Variants in SRSF5 observed in about 807,000 individuals in gnomAD.
The protein encoded by SRSF5 is serine/arginine-rich splicing factor 5.
In SRSF5, 5 loss-of-function variants were observed where a neutral mutation model predicts 34.0. The ratio of observed to expected loss-of-function variants is 0.15; its 90% CI spans 0.08 to 0.31. SRSF5 has a LOEUF of 0.31. Among genes scored for constraint, SRSF5 ranks in the 10% least tolerant of loss-of-function variants. The pLI is 1.00. For missense variants in SRSF5, 223 were observed against 351.4 expected (o/e 0.63, Z 2.92); for synonymous variants, 164 against 117.7 (o/e 1.39, Z -2.55).
rs774183630 is a variant in SRSF5, at chr14:69,771,367, G to A, written c.725G>A (p.Arg242His). ...RSPVPEKSQK[R>H]GSSSRSKSPA... Reference sequence around the variant, plus strand: ...CCCGTGCCTGAGAAGAGCCAGAAACGTGGTTCTTCAAGTAGATCTAAGTCT... The same window carrying A: ...CCCGTGCCTGAGAAGAGCCAGAAACATGGTTCTTCAAGTAGATCTAAGTCT... Residue 242 changes from arginine (R) to histidine (H), a missense_variant, in exon 8 of 8, where the codon CGT becomes CAT. Arg to His is a conservative substitution (Grantham distance 29). Coordinates refer to ENST00000557154, the MANE Select transcript of SRSF5 (RefSeq NM_001320214.2). The A allele has an allele frequency of 1.9e-6, 3 of 1,614,212 alleles. No individual in the cohort carries two copies. The highest frequency in any genetic ancestry group is 1.7e-4 in the Middle Eastern group (1 of 6,058).
chr14:69,768,702 C>G lies in SRSF5; in HGVS notation c.197+28C>G. 17 of 1,613,050 alleles carry G rather than the reference C, an allele frequency of 1.1e-5. No individual in the cohort carries two copies. The Middle Eastern group carries it at 6.6e-4, about 63-fold the overall frequency. On this transcript the variant is annotated intron_variant, in intron 3 of 7. Transcript: ENST00000557154. ...GAGATTCCTGTGTAACTAGATAACC[C>G]TGGGACATAGAGCAGACTGGGTCTG...
chr14:69,768,076 T>C, intron 1 of SRSF5, 62 bp from the exon 2 acceptor site: 2 of 1,572,004 alleles, frequency 1.3e-6, no homozygotes, highest in South Asian at 2.2e-5. Context: ...TTTTGATTGT[T>C]TAATCAGGCG....
In SRSF5 at chr14:69,767,165, G is replaced by C. The variant is rs943263606; in HGVS notation, c.-110G>C. ...GCGTCAGTTGTGGAGTGGCGTAGACGAGTTAAGTCCTGGTCTGCGTGGAGG... is the reference window on the plus strand; with the variant it reads ...GCGTCAGTTGTGGAGTGGCGTAGACCAGTTAAGTCCTGGTCTGCGTGGAGG... On this transcript the variant is annotated 5_prime_UTR_variant, in exon 1 of 8. Transcript: ENST00000557154. 1 of 340,986 alleles carries C rather than the reference G, an allele frequency of 2.9e-6. No homozygotes were observed. The highest frequency in any genetic ancestry group is 5.8e-6 in the Non-Finnish European group (1 of 171,914). The allele number at this position is 340,986 out of a possible 1,614,324, so 21.1% of individuals were successfully genotyped here. A position where few individuals can be genotyped will look rare whatever the true frequency, so the allele number is the denominator to read the frequency against.
intron 5 of SRSF5, 166 bp downstream of exon 5, chr14:69,769,417 T>A: frequency 6.6e-7 from 1 of 1,517,234 alleles, no homozygotes; most frequent in Admixed American, 2.1e-5. Context: ...ATTTTGAACT[T>A]TAATATTAGT....
At chr14:69,769,380 CATTTA>C in intron 5 of SRSF5, 129 bp downstream of exon 5, 6 of 1,501,028 alleles carry the variant, frequency 4.0e-6, no homozygotes, top group Non-Finnish European at 5.3e-6. Flanking sequence ...TAATTTTAAA[CATTTA>C]ATTAAATGTA....
Position 69,771,382 on chromosome 14 carries a change from G to C in SRSF5, c.740G>C (p.Arg247Thr), listed in dbSNP as rs1412890780. 1.9e-6 allele frequency: 3 copies of C among 1,614,082 alleles called. No homozygotes were observed. The highest frequency in any genetic ancestry group is 4.5e-5 in the East Asian group (2 of 44,900). Residue 247 changes from arginine to threonine, a missense_variant, in exon 8 of 8, where the codon AGA (arginine) becomes ACA (threonine). By Grantham distance (71) the Arg-to-Thr change is moderately conservative (BLOSUM62 -1). Transcript: ENST00000557154. Reference sequence around the variant, plus strand: ...AGCCAGAAACGTGGTTCTTCAAGTAGATCTAAGTCTCCAGCATCTGTGGAT... The same window carrying C: ...AGCCAGAAACGTGGTTCTTCAAGTACATCTAAGTCTCCAGCATCTGTGGAT... ...EKSQKRGSSS[R>T]SKSPASVDRQ...
rs1566623180 is a variant in SRSF5 at position 69,767,174 on chromosome 14, C to A, written c.-101C>A. On this transcript the variant is annotated 5_prime_UTR_variant, in exon 1 of 8. Transcript: ENST00000557154. ...GTGGAGTGGCGTAGACGAGTTAAGT[C>A]CTGGTCTGCGTGGAGGTCGACGACT... The A allele has an allele frequency of 8.5e-6, 3 of 352,938 alleles. No individual in the cohort carries two copies. Among genetic ancestry groups the A allele is most frequent in the Non-Finnish European group, 1.7e-5 (3 of 179,140 alleles). The allele number at this position is 352,938 out of a possible 1,614,324, so 21.9% of individuals were successfully genotyped here.
chr14:69,768,488 G>A, intron 2 of SRSF5, 116 bp from the exon 3 acceptor site: 2 of 1,237,516 alleles, frequency 1.6e-6, no homozygotes, highest in East Asian at 2.3e-5. Context: ...AGGTTTGACT[G>A]TATGGCAGTG....
chr14:69,767,811 C>A, intron 1 of SRSF5: 1 of 354,794 alleles, frequency 2.8e-6, no homozygotes, highest in Non-Finnish European at 5.5e-6. Flanking sequence ...AGGGCGCGGG[C>A]GGCTCCGCCC....
At chr14:69,770,116 TA>T in intron 5 of SRSF5, 1 of 1,036,850 alleles carries the variant, frequency 9.6e-7, no homozygotes, top group Non-Finnish European at 1.2e-6. Flanking sequence ...TTTTTTTAAA[TA>T]AAACTTCTCT....
rs201558347 is a variant in SRSF5, at chr14:69,768,724, T to A, written c.197+50T>A. ...ACCCTGGGACATAGAGCAGACTGGG[T>A]CTGCTGGCATATTTTTCTAAGTAGA... On this transcript the variant is annotated intron_variant, in intron 3 of 7. Transcript: ENST00000557154. 2,672 of 1,611,070 alleles carry A rather than the reference T, an allele frequency of 1.7e-3. 5 individuals are homozygous for A. Among genetic ancestry groups the A allele is most frequent in the Non-Finnish European group, 2.0e-3 (2,304 of 1,177,246 alleles).
In SRSF5 at chr14:69,770,203, C is replaced by T. The variant is rs527601717; in HGVS notation, c.367-264C>T. On this transcript the variant is annotated intron_variant, in intron 5 of 7. Transcript: ENST00000557154. The stretch of plus-strand genomic sequence containing the variant: ...TTTGTTTGTTTTTTTTTCTTTTGTA[C>T]TGAGCTCAGCATAGACTAATACTAC... 3.1e-5 allele frequency: 35 copies of T among 1,141,434 alleles called. No individual in the cohort carries two copies. In the African/African-American group the frequency reaches 5.4e-4, roughly 18 times the overall value. The allele number at this position is 1,141,434 out of a possible 1,614,324, so 70.7% of individuals were successfully genotyped here.
chr14:69,771,233 C>G lies in SRSF5; in HGVS notation c.591C>G (p.Ser197=). 6.2e-7 allele frequency: 1 copy of G among 1,614,118 alleles called. No homozygotes were observed. Residue 197 remains serine, a synonymous_variant, in exon 8 of 8, where the codon TCC becomes TCG. Coordinates refer to ENST00000557154, the MANE Select transcript of SRSF5 (RefSeq NM_001320214.2). ...GGTCTCGATCCCGGACCAGAAGTTC[C>G]TCTAGGTCTCGTAGCCGATCCCGTT... ...RSRSRSRTRS[S]SRSRSRSRSR... is the part of the protein sequence containing the mutation.
chr14:69,769,511 C>T (rs1484245810), intron 5 of SRSF5: 11 of 1,535,290 alleles, frequency 7.2e-6, no homozygotes. Flanking sequence ...TATTTGCCAG[C>T]CTGTCTGTGT....
At chr14:69,771,136 TATTTAA>T in intron 7 of SRSF5, 31 bp downstream of exon 7, 1 of 1,613,000 alleles carries the variant, frequency 6.2e-7, no homozygotes, top group African/African-American at 1.3e-5. Context: ...TCAAAAGTTG[TATTTAA>T]TGGGTTTGTT....
chr14:69,768,725 C>G lies in SRSF5; in HGVS notation c.197+51C>G, dbSNP rs1231023598. Reference sequence around the variant, plus strand: ...CCCTGGGACATAGAGCAGACTGGGTCTGCTGGCATATTTTTCTAAGTAGAT... The same window carrying G: ...CCCTGGGACATAGAGCAGACTGGGTGTGCTGGCATATTTTTCTAAGTAGAT... On this transcript the variant is annotated intron_variant, in intron 3 of 7. Transcript: ENST00000557154. The G allele has an allele frequency of 3.7e-6, 6 of 1,609,506 alleles. No individual in the cohort carries two copies. The African/African-American group carries it at 8.0e-5, about 22-fold the overall frequency.
At chr14:69,770,917 G>A (rs561598382) in intron 6 of SRSF5, 78 bp from the exon 7 acceptor site, 3 of 1,258,774 alleles carry the variant, frequency 2.4e-6, no homozygotes, top group African/African-American at 3.0e-5. Flanking sequence ...ACATAGAAAC[G>A]ACTTACCTAG....
chr14:69,768,566 C>A, intron 2 of SRSF5, 38 bp from the exon 3 acceptor site: 4 of 1,591,672 alleles, frequency 2.5e-6, no homozygotes, highest in South Asian at 2.2e-5. Flanking sequence ...GAATACTCTT[C>A]TAAAGCCAAT....
chr14:69,770,936 G>T (rs74061423), intron 6 of SRSF5, 59 bp from the exon 7 acceptor site: 5 of 1,419,760 alleles, frequency 3.5e-6, no homozygotes, highest in Non-Finnish European at 4.9e-6. Context: ...AGACTGCTGT[G>T]TGCAATGTGT....
Sources: allele counts gnomAD v4.1 joint callset, GRCh38; gene constraint gnomAD v4.1.1; transcripts MANE v1.5; gene names NCBI Gene and HGNC (gene_info 2026-07-23, HGNC 2026-07-21).